The following GCG variants were observed in gnomAD, a reference collection of about 807,000 sequenced individuals.
GCG encodes pro-glucagon.
Under a neutral mutation model 22.8 loss-of-function variants are expected in GCG, and 11 were observed. The observed-to-expected ratio is 0.48, with a 90% CI of 0.30 to 0.80. The LOEUF (loss-of-function observed/expected upper bound fraction) is 0.80, where lower values mean the gene tolerates loss of function less well. GCG is among the 30% of genes least tolerant of loss of function. The pLI is 0.06. For missense variants in GCG, 222 were observed against 222.0 expected (o/e 1.00, Z 0.00); for synonymous variants, 89 against 72.4 (o/e 1.23, Z -1.16).
At chr2:162,146,571 TCTC>T (rs1686692245) in intron 3 of GCG, among the ~76,000 whole-genome samples, 1 of 129,316 alleles carries the variant, frequency 7.7e-6, no homozygotes, top group Non-Finnish European at 1.5e-5. Context: ...TCTCTCTCTC[TCTC>T]CTTTCTTACT....
At chr2:162,146,221 T>G (rs1686679958) in intron 3 of GCG, among the ~76,000 whole-genome samples, 1 of 152,068 alleles carries the variant, frequency 6.6e-6, no homozygotes, top group African/African-American at 2.4e-5. Context: ...ACCGTGGAGG[T>G]GAGCCATCAG....
At chr2:162,146,541 TCTCTCTC>T (rs1686689134) in intron 3 of GCG, among the ~76,000 whole-genome samples, 1 of 29,570 alleles carries the variant, frequency 3.4e-5, no homozygotes. Flanking sequence ...TTGCTTGTTC[TCTCTCTC>T]TCTCTCTCTC....
intron 3 of GCG, 83 bp downstream of exon 3, chr2:162,147,270 T>G: frequency 9.8e-7 from 1 of 1,015,754 alleles, no homozygotes; most frequent in East Asian, 2.4e-5. Flanking sequence ...TTGACGAGCA[T>G]AAGAACTTAA....
chr2:162,146,408 C>T (rs557816814), intron 3 of GCG, among the ~76,000 whole-genome samples: 6 of 152,228 alleles, frequency 3.9e-5, no homozygotes, highest in African/African-American at 1.2e-4. Context: ...TCACCTTTCA[C>T]TGTAGTCCTT....
chr2:162,151,307 T>C (rs898015026), intron 1 of GCG, among the ~76,000 whole-genome samples: 2 of 152,150 alleles, frequency 1.3e-5, no homozygotes, highest in Admixed American at 6.6e-5. Flanking sequence ...GTAGTCCATA[T>C]AAATCCTTTT....
intron 5 of GCG, 46 bp downstream of exon 5, chr2:162,143,981 C>T: frequency 1.3e-6 from 2 of 1,557,586 alleles, no homozygotes; most frequent in Non-Finnish European, 1.8e-6. Context: ...ACAATCAGTA[C>T]TTATGAGAAT....
chr2:162,146,704 A>C (rs1427370736), intron 3 of GCG, among the ~76,000 whole-genome samples: 1 of 151,978 alleles, frequency 6.6e-6, no homozygotes, highest in Non-Finnish European at 1.5e-5. Flanking sequence ...CCTCCAAAAA[A>C]ATTGTGAAAT....
chr2:162,143,277 C>T lies in GCG; in HGVS notation c.*87G>A, dbSNP rs959311376. 1.6e-6 allele frequency: 1 copy of T among 637,608 alleles called. No homozygotes were observed. Among genetic ancestry groups the T allele is most frequent in the Admixed American group, 3.2e-5 (1 of 30,784 alleles). The allele number at this position is 637,608 out of a possible 1,614,324, so 39.5% of individuals were successfully genotyped here. Reference sequence around the variant, plus strand: ...CAAAGCAATGTGGCCTCAGAATACACCTCTTAAATTTACAGGACTTAACAT... The same window carrying T: ...CAAAGCAATGTGGCCTCAGAATACATCTCTTAAATTTACAGGACTTAACAT... On this transcript the variant is annotated 3_prime_UTR_variant, in exon 6 of 6. Transcript: ENST00000418842.
chr2:162,145,363 A>G (rs1686657551), intron 4 of GCG, 177 bp downstream of exon 4: 1 of 525,842 alleles, frequency 1.9e-6, no homozygotes, highest in South Asian at 3.7e-5. Flanking sequence ...ATTAATACTT[A>G]GTACCAAAAA....
At position 162,147,569 on chromosome 2, in the gene GCG, T is replaced by C. The variant is rs757245675; in HGVS notation, c.93-55A>G. The stretch of plus-strand genomic sequence containing the variant: ...AATCTCTCCTCAAGAGTAGACTCAC[T>C]TGAGAAGCATCTTCACTACAAAATA... On this transcript the variant is annotated intron_variant, in intron 2 of 5. Coordinates refer to ENST00000418842, the MANE Select transcript of GCG (RefSeq NM_002054.5). The C allele has an allele frequency of 3.4e-6, 5 of 1,485,392 alleles. No individual in the cohort carries two copies. In the East Asian group the frequency reaches 9.0e-5, roughly 27 times the overall value. 92.0% of individuals were successfully genotyped at this position (1,485,392 alleles called of 1,614,324 possible). A position where few individuals can be genotyped will look rare whatever the true frequency, so the allele number is the denominator to read the frequency against.
intron 3 of GCG, 92 bp from the exon 4 acceptor site, chr2:162,145,769 T>C (rs1686668461): frequency 9.7e-7 from 1 of 1,026,690 alleles, no homozygotes; most frequent in African/African-American, 1.6e-5. Flanking sequence ...TTCAGGATTC[T>C]ATGTAGAAGG....
intron 4 of GCG, 115 bp from the exon 5 acceptor site, chr2:162,144,285 G>C (rs1686626274): frequency 1.2e-6 from 1 of 824,316 alleles, no homozygotes; most frequent in Non-Finnish European, 2.0e-6. Flanking sequence ...AAAGGATTCT[G>C]TTTTTAAAGG....
In GCG at chr2:162,147,511, T is replaced by A; in HGVS notation, c.96A>T (p.Ser32=). ...SLQDTEEKSR[S]FSASQADPLS... ...GTGGGTCTGCCTGGGAAGCTGAGAA[T>A]GATCTGTGAAGAACAGTGATTGGTA... The change falls in exon 3 of 6, where the codon TCA becomes TCT. Residue 32 remains serine, a synonymous_variant. Transcript: ENST00000418842. 1 of 1,612,976 alleles carries A rather than the reference T, an allele frequency of 6.2e-7. No homozygotes were observed. The highest frequency in any genetic ancestry group is 8.5e-7 in the Non-Finnish European group (1 of 1,179,154).
At chr2:162,144,364 C>T (rs1479361568) in intron 4 of GCG, 194 bp from the exon 5 acceptor site, 2 of 568,974 alleles carry the variant, frequency 3.5e-6, no homozygotes, top group African/African-American at 3.8e-5. Context: ...AGTAGCAGAG[C>T]TGGGATCTAA....
At chr2:162,147,104 G>T (rs191594948) in intron 3 of GCG, among the ~76,000 whole-genome samples, 8 of 152,112 alleles carry the variant, frequency 5.3e-5, no homozygotes, top group Non-Finnish European at 1.0e-4. Context: ...ATATTGCTAG[G>T]ACTACCACTG....
chr2:162,151,475 C>T (rs1303448727), intron 1 of GCG, among the ~76,000 whole-genome samples: 1 of 152,006 alleles, frequency 6.6e-6, no homozygotes, highest in African/African-American at 2.4e-5. Context: ...CAGAGGGTAG[C>T]TATTTTAGAT....
At chr2:162,148,837 T>C (rs530574607) in intron 2 of GCG, among the ~76,000 whole-genome samples, 2 of 152,264 alleles carry the variant, frequency 1.3e-5, no homozygotes, top group African/African-American at 2.4e-5. Flanking sequence ...GGATCATCTG[T>C]AGATTTCAAG....
intron 5 of GCG, among the ~76,000 whole-genome samples, chr2:162,143,590 T>C (rs1034366323): frequency 2.6e-5 from 4 of 152,310 alleles, no homozygotes; most frequent in Admixed American, 6.5e-5. Context: ...TGAATAATTA[T>C]TAAAAAATCA....
At chr2:162,149,375 T>A (rs1253643706) in intron 1 of GCG, among the ~76,000 whole-genome samples, 188 bp from the exon 2 acceptor site, 1 of 152,146 alleles carries the variant, frequency 6.6e-6, no homozygotes, top group Admixed American at 6.6e-5. Flanking sequence ...TTCCCCAGAT[T>A]TTTTGGAGGC....
Sources: allele counts gnomAD v4.1 joint callset (sites outside exome capture counted in the v4.1 genomes callset), GRCh38; gene constraint gnomAD v4.1.1; transcripts MANE v1.5; gene names NCBI Gene and HGNC (gene_info 2026-07-23, HGNC 2026-07-21).